The following PDE4DIP variants were observed in gnomAD, a reference collection of about 807,000 sequenced individuals.
The protein encoded by PDE4DIP is myomegalin.
PDE4DIP carries 59 observed loss-of-function variants against 221.4 expected under a neutral mutation model. The ratio of observed to expected loss-of-function variants is 0.27; its 90% CI spans 0.22 to 0.33. The LOEUF (loss-of-function observed/expected upper bound fraction) is 0.33, where lower values mean the gene tolerates loss of function less well. Ranked by LOEUF, PDE4DIP falls within the 10% of genes least tolerant of loss-of-function variation. The pLI, the probability that PDE4DIP is intolerant of heterozygous loss-of-function variation, is 1.00. For missense variants in PDE4DIP, 1,036 were observed against 2,154.2 expected (o/e 0.48, Z 10.28); for synonymous variants, 404 against 815.9 (o/e 0.50, Z 8.60).
intron 1 of PDE4DIP, among the ~76,000 whole-genome samples, chr1:148,827,245 T>C (rs1159247831): frequency 5.9e-3 from 102 of 17,278 alleles, no homozygotes; most frequent in Non-Finnish European, 7.7e-3. Flanking sequence ...TGTTATATTC[T>C]TTTTTTTTTT....
chr1:148,912,312 CATTTT>C (rs1441314311), intron 1 of PDE4DIP, among the ~76,000 whole-genome samples: 3 of 146,306 alleles, frequency 2.1e-5, no homozygotes, highest in African/African-American at 7.9e-5. Flanking sequence ...CTTGCTATGT[CATTTT>C]AGTTTTTCCT....
chr1:148,965,405 T>A (rs2057956065), intron 9 of PDE4DIP, 79 bp from the exon 13 acceptor site: 14 of 838,546 alleles, frequency 1.7e-5, no homozygotes, highest in Non-Finnish European at 2.7e-5. Context: ...TTATATACCT[T>A]GAAAATTTTA....
chr1:149,009,741 T>A (rs1553603218), exon 30 of PDE4DIP: 1 of 1,613,778 alleles, frequency 6.2e-7, no homozygotes, highest in Non-Finnish European at 8.5e-7. Flanking sequence ...ATGGACATAG[T>A]CAGCGAGTAC....
chr1:149,030,142 G>A, intron 42 of PDE4DIP, 90 bp from the exon 46 acceptor site: 4 of 1,130,960 alleles, frequency 3.5e-6, no homozygotes, highest in Middle Eastern at 2.9e-4. Flanking sequence ...TAGCCAGAAA[G>A]AAATAAATGC....
intron 26 of PDE4DIP, among the ~76,000 whole-genome samples, chr1:149,004,196 T>C (rs2066416250): frequency 6.6e-6 from 1 of 151,756 alleles, no homozygotes; most frequent in African/African-American, 2.4e-5. Flanking sequence ...TTTGAAAACT[T>C]TCCTATGTCC....
intron 4 of PDE4DIP, among the ~76,000 whole-genome samples, chr1:148,934,327 C>A (rs1266522124): frequency 2.6e-5 from 4 of 151,696 alleles, no homozygotes; most frequent in African/African-American, 9.7e-5. Context: ...TTAAAAAAAA[C>A]TGAACTAAAA....
chr1:148,985,094 TA>T (rs1281463204), intron 21 of PDE4DIP: 1 of 152,190 alleles, frequency 6.6e-6, no homozygotes, highest in Non-Finnish European at 1.5e-5. Context: ...GTACTAGAGA[TA>T]GAACAAATGA....
In PDE4DIP at chr1:148,923,742, G is replaced by T. The variant is rs1477990097; in HGVS notation, c.142-5455G>T. ...CCCGCCTCGGCCTCCCAAAGTTCTG[G>T]GATTACAGGCGTGAGCCACCGCGCC... On this transcript the variant is annotated intron_variant, in intron 1 of 43. Transcript: ENST00000369354. Among the ~76,000 whole-genome samples the T allele has an allele frequency of 6.8e-5, 10 of 146,074 alleles. 4 individuals are homozygous for T. The highest frequency in any genetic ancestry group is 2.6e-4 in the African/African-American group (10 of 38,096).
In PDE4DIP at chr1:149,032,253, G is replaced by A. The variant is rs2076936309; in HGVS notation, c.*268G>A. On this transcript the variant is annotated 3_prime_UTR_variant, in exon 44 of 44. Transcript: ENST00000369354. ...CCCAGCACTAAGAAAAAGATGCGTA[G>A]TTTGCACAGAAGGTTTTGTGATCCT... The A allele has an allele frequency of 2.1e-5, 13 of 610,240 alleles. No homozygotes were observed. The South Asian group carries it at 2.6e-4, about 12-fold the overall frequency. The allele number at this position is 610,240 out of a possible 1,614,324, so 37.8% of individuals were successfully genotyped here. A position where few individuals can be genotyped will look rare whatever the true frequency, so the allele number is the denominator to read the frequency against.
At chr1:149,028,442 T>G (rs1191899433) in intron 40 of PDE4DIP, 118 bp from the exon 44 acceptor site, 4 of 687,238 alleles carry the variant, frequency 5.8e-6, no homozygotes, top group Non-Finnish European at 9.7e-6. Flanking sequence ...AATGGTTGTG[T>G]GAGGGCTTCA....
At chr1:148,987,285 A>G (rs1333614528) in intron 21 of PDE4DIP, among the ~76,000 whole-genome samples, 13 of 152,168 alleles carry the variant, frequency 8.5e-5, no homozygotes, top group African/African-American at 2.9e-4. Flanking sequence ...CTTAGCAGAA[A>G]CTATGGAGGA....
At chr1:148,890,456 T>TAAAA (rs72506227) in intron 1 of PDE4DIP, among the ~76,000 whole-genome samples, 1 of 109,368 alleles carries the variant, frequency 9.1e-6, no homozygotes. Flanking sequence ...CCCAGATAAT[T>TAAAA]AAAAAAAAAA....
chr1:148,907,531 ATTTG>A (rs1417887714), intron 1 of PDE4DIP, among the ~76,000 whole-genome samples: 1 of 148,784 alleles, frequency 6.7e-6, no homozygotes, highest in Non-Finnish European at 1.5e-5. Flanking sequence ...TTCTCTCAGC[ATTTG>A]TTTGTCTGAA....
rs587597190 is a variant in PDE4DIP at position 149,020,962 on chromosome 1, C to T, written c.5961-67C>T. The T allele has an allele frequency of 5.0e-4, 574 of 1,138,336 alleles. 30 individuals are homozygous for T. The African/African-American group carries it at 6.9e-3, about 14-fold the overall frequency. 70.5% of individuals were successfully genotyped at this position (1,138,336 alleles called of 1,614,324 possible). On this transcript the variant is annotated intron_variant, in intron 36 of 43. Transcript: ENST00000369354. ...ACCCTCTGAGTTGACATCTGGCTCT[C>T]AGCCTGTTGCTCTGGTGTGGCTGAG...
At chr1:149,009,434 A>G in intron 29 of PDE4DIP, 134 bp from the exon 33 acceptor site, 1 of 629,106 alleles carries the variant, frequency 1.6e-6, no homozygotes. Flanking sequence ...ATCCCTAAGC[A>G]GAGGTGGGTT....
At chr1:149,016,880 T>A (rs1553611813) in intron 33 of PDE4DIP, among the ~76,000 whole-genome samples, 1 of 152,306 alleles carries the variant, frequency 6.6e-6, no homozygotes, top group African/African-American at 2.4e-5. Context: ...GATGGGACTT[T>A]CTTCCATCAG....
intron 5 of PDE4DIP, among the ~76,000 whole-genome samples, chr1:148,944,769 G>A (rs1179541071): frequency 6.6e-6 from 1 of 152,104 alleles, no homozygotes; most frequent in African/African-American, 2.4e-5. Flanking sequence ...TACTGGGGAG[G>A]CTGAGGCAGG....
At chr1:148,961,307 C>CA (rs1462789867) in intron 6 of PDE4DIP, among the ~76,000 whole-genome samples, 1 of 152,038 alleles carries the variant, frequency 6.6e-6, no homozygotes, top group African/African-American at 2.4e-5. Flanking sequence ...GACTCTGTCT[C>CA]AAAAAAACAC....
chr1:149,016,298 G>C lies in PDE4DIP; in HGVS notation c.5267-1G>C. The C allele has an allele frequency of 1.2e-6, 2 of 1,613,878 alleles. No individual in the cohort carries two copies. Among genetic ancestry groups the C allele is most frequent in the Non-Finnish European group, 1.7e-6 (2 of 1,179,938 alleles). Reference sequence around the variant, plus strand: ...TCTTACTAATGTTTCTTTCTGCCCAGGTGCCAGCACTGTTCCTCCTGCTTC... The same window carrying C: ...TCTTACTAATGTTTCTTTCTGCCCACGTGCCAGCACTGTTCCTCCTGCTTC... On this transcript the variant is annotated splice_acceptor_variant, in intron 32 of 43. Coordinates refer to ENST00000369354, the Ensembl canonical transcript of PDE4DIP. LOFTEE classifies it high-confidence loss of function.
Sources: allele counts gnomAD v4.1 joint callset (sites outside exome capture counted in the v4.1 genomes callset), GRCh38; gene constraint gnomAD v4.1.1; transcripts MANE v1.5; gene names NCBI Gene and HGNC (gene_info 2026-07-23, HGNC 2026-07-21).